Variants in ECPAS observed in about 807,000 individuals in gnomAD.
ECPAS encodes the protein proteasome adapter and scaffold protein ECM29.
In ECPAS, 70 loss-of-function variants were observed where a neutral mutation model predicts 255.1. The ratio of observed to expected loss-of-function variants is 0.27; its 90% CI spans 0.23 to 0.33. The LOEUF is 0.33. Among genes scored for constraint, ECPAS ranks in the 10% least tolerant of loss-of-function variants. The pLI is 1.00. For synonymous variants in ECPAS, 784 were observed against 775.0 expected (o/e 1.01, Z -0.19); for missense variants, 1,817 against 2,206.4 (o/e 0.82, Z 3.54).
intron 48 of ECPAS, among the ~76,000 whole-genome samples, chr9:111,364,119 A>G (rs900662786): frequency 6.6e-6 from 1 of 152,204 alleles, no homozygotes; most frequent in African/African-American, 2.4e-5. Flanking sequence ...TTCTTTATCC[A>G]TAAAAGGATG....
intron 6 of ECPAS, among the ~76,000 whole-genome samples, chr9:111,438,753 AATGAT>A (rs1337415882): frequency 6.6e-6 from 1 of 152,228 alleles, no homozygotes; most frequent in Non-Finnish European, 1.5e-5. Flanking sequence ...AGAAATAAGA[AATGAT>A]ATAACAGGTG....
intron 45 of ECPAS, among the ~76,000 whole-genome samples, chr9:111,369,425 A>C (rs763738244): frequency 6.6e-6 from 1 of 152,206 alleles, no homozygotes; most frequent in Non-Finnish European, 1.5e-5. Flanking sequence ...TAGTCTTTTG[A>C]GCATAACATG....
rs990869676 is a variant in ECPAS at position 111,410,351 on chromosome 9, C to G, written c.2378-138G>C. On this transcript the variant is annotated intron_variant, in intron 22 of 49. Transcript: ENST00000684092. Reference sequence around the variant, plus strand: ...ACGATATCTTCTAGTTGACAATTTGCCAACATTTATTCAGTGGAAAGACAA... The same window carrying G: ...ACGATATCTTCTAGTTGACAATTTGGCAACATTTATTCAGTGGAAAGACAA... 2.7e-5 allele frequency: 17 copies of G among 634,330 alleles called. No homozygotes were observed. In the African/African-American group the frequency reaches 2.8e-4, roughly 10 times the overall value. 39.3% of individuals were successfully genotyped at this position (634,330 alleles called of 1,614,324 possible).
chr9:111,482,551 C>G (rs935282888), intron 1 of ECPAS, among the ~76,000 whole-genome samples: 12 of 152,118 alleles, frequency 7.9e-5, no homozygotes, highest in African/African-American at 2.2e-4. Flanking sequence ...CTTCATAAAG[C>G]TTGCAACACC....
rs567325855 is a variant in ECPAS, at chr9:111,420,266, T to A, written c.1456-146A>T. On this transcript the variant is annotated intron_variant, in intron 15 of 49. Transcript: ENST00000684092. Reference sequence around the variant, plus strand: ...AAGGTGACATTTTAATAAACGTGTATCTAAATTAAATAAATCATTTGTTCA... The same window carrying A: ...AAGGTGACATTTTAATAAACGTGTAACTAAATTAAATAAATCATTTGTTCA... 2.7e-4 allele frequency: 163 copies of A among 594,366 alleles called. 4 individuals carry two copies. In the South Asian group the frequency reaches 3.3e-3, roughly 12 times the overall value. 36.8% of individuals were successfully genotyped at this position (594,366 alleles called of 1,614,324 possible). A position where few individuals can be genotyped will look rare whatever the true frequency, so the allele number is the denominator to read the frequency against.
intron 45 of ECPAS, among the ~76,000 whole-genome samples, 196 bp downstream of exon 45, chr9:111,370,239 A>G (rs985842724): frequency 6.6e-6 from 1 of 152,252 alleles, no homozygotes; most frequent in African/African-American, 2.4e-5. Flanking sequence ...AAGAGACGGA[A>G]TACCTGAACA....
intron 27 of ECPAS, 28 bp from the exon 28 acceptor site, chr9:111,392,910 C>A (rs2098162341): frequency 6.5e-7 from 1 of 1,531,260 alleles, no homozygotes; most frequent in Non-Finnish European, 8.9e-7. Flanking sequence ...AAGATTGTAT[C>A]ACTTTAAAAA....
intron 24 of ECPAS, 63 bp downstream of exon 24, chr9:111,408,505 TAAA>T (rs79202070): frequency 5.8e-3 from 4,954 of 860,284 alleles, no homozygotes; most frequent in South Asian, 0.011. Flanking sequence ...AAACTGCACC[TAAA>T]AAAAAAAAAA....
At position 111,410,317 on chromosome 9, in the gene ECPAS, T is replaced by C. The variant is rs1245684733; in HGVS notation, c.2378-104A>G. The C allele has an allele frequency of 7.6e-6, 7 of 927,144 alleles. No homozygotes were observed. In the African/African-American group the frequency reaches 8.4e-5, roughly 11 times the overall value. 57.4% of individuals were successfully genotyped at this position (927,144 alleles called of 1,614,324 possible). A position where few individuals can be genotyped will look rare whatever the true frequency, so the allele number is the denominator to read the frequency against. On this transcript the variant is annotated intron_variant, in intron 22 of 49. Coordinates refer to ENST00000684092, the MANE Select transcript of ECPAS (RefSeq NM_001364929.1). ...TTTTTTTTAAGACGGCAAAATAAAA[T>C]CAAAGTGTACGATATCTTCTAGTTG...
chr9:111,411,901 G>C lies in ECPAS; in HGVS notation c.2214+113C>G. The C allele has an allele frequency of 4.1e-6, 4 of 965,092 alleles. No individual in the cohort carries two copies. In the East Asian group the frequency reaches 1.2e-4, roughly 28 times the overall value. The allele number at this position is 965,092 out of a possible 1,614,324, so 59.8% of individuals were successfully genotyped here. ...TCATTTACTCTTTATGGTCATAAAA[G>C]CAAGGAATTTGTAAGTTCATTTTAC... On this transcript the variant is annotated intron_variant, in intron 21 of 49. Transcript: ENST00000684092.
At chr9:111,457,750 A>G (rs1309843245) in intron 2 of ECPAS, among the ~76,000 whole-genome samples, 4 of 152,200 alleles carry the variant, frequency 2.6e-5, no homozygotes, top group Non-Finnish European at 5.9e-5. Flanking sequence ...AAAGGACCCA[A>G]TTGAGGTTAG....
rs34165056 is a variant in ECPAS at position 111,477,926 on chromosome 9, G to C, written c.-82-4926C>G. Among the ~76,000 whole-genome samples the C allele has an allele frequency of 9.9e-3, 1,395 of 141,504 alleles. 8 individuals carry two copies. The highest frequency in any genetic ancestry group is 0.025 in the Middle Eastern group (7 of 278). 92.8% of individuals were successfully genotyped at this position (141,504 alleles called of 152,430 possible). ...TTTTTTTTTTTTTTTTTTGAAACAA[G>C]GTCTCGCTTTGTCACCCAGGCTAGA... On this transcript the variant is annotated intron_variant, in intron 1 of 49. Transcript: ENST00000684092.
chr9:111,385,323 T>G lies in ECPAS; in HGVS notation c.3633+14A>C. On this transcript the variant is annotated intron_variant, in intron 33 of 49. Transcript: ENST00000684092. ...CTTTTTGTATATATAAATGCTGATT[T>G]ATTTCTATAATACCTTGATATCATC... The G allele has an allele frequency of 1.6e-6, 2 of 1,220,168 alleles. No individual in the cohort carries two copies. Among genetic ancestry groups the G allele is most frequent in the East Asian group, 5.0e-5 (2 of 39,638 alleles). 75.6% of individuals were successfully genotyped at this position (1,220,168 alleles called of 1,614,324 possible).
intron 3 of ECPAS, among the ~76,000 whole-genome samples, chr9:111,444,738 T>C (rs913255828): frequency 6.6e-6 from 1 of 152,108 alleles, no homozygotes; most frequent in Non-Finnish European, 1.5e-5. Context: ...CAAGACGGAG[T>C]CTTGCTCTGT....
rs569173503 is a variant in ECPAS at position 111,405,919 on chromosome 9, G to A, written c.2652+2652C>T. 5.3e-4 allele frequency among the ~76,000 whole-genome samples: 79 copies of A among 149,700 alleles called. 11 individuals are homozygous for A. Among genetic ancestry groups the A allele is most frequent in the African/African-American group, 1.8e-3 (72 of 39,460 alleles). On this transcript the variant is annotated intron_variant, in intron 24 of 49. Transcript: ENST00000684092. ...TGATAGTCAGAATGTGAAGAAAGGG[G>A]AACATTCATACACTGTTGGTGGGAA...
chr9:111,480,469 T>C (rs180733963), intron 1 of ECPAS, among the ~76,000 whole-genome samples: 1 of 152,074 alleles, frequency 6.6e-6, no homozygotes, highest in African/African-American at 2.4e-5. Flanking sequence ...GGCTAAATTT[T>C]GTATTTTTAG....
At chr9:111,452,158 G>GT (rs1350970005) in intron 2 of ECPAS, among the ~76,000 whole-genome samples, 3 of 152,138 alleles carry the variant, frequency 2.0e-5, no homozygotes, top group Non-Finnish European at 2.9e-5. Flanking sequence ...CGGCAAGCAG[G>GT]AAGATGGGAA....
At chr9:111,462,219 G>A (rs2098274017) in intron 2 of ECPAS, among the ~76,000 whole-genome samples, 2 of 152,202 alleles carry the variant, frequency 1.3e-5, no homozygotes, top group Non-Finnish European at 2.9e-5. Context: ...TAGATGGTAA[G>A]GGAGTCTGAA....
intron 11 of ECPAS, 62 bp from the exon 12 acceptor site, chr9:111,425,558 G>T: frequency 8.3e-7 from 1 of 1,207,982 alleles, no homozygotes; most frequent in Non-Finnish European, 1.2e-6. Context: ...TATCTTTACG[G>T]ATGATTACAT....
Sources: allele counts gnomAD v4.1 joint callset (sites outside exome capture counted in the v4.1 genomes callset), GRCh38; gene constraint gnomAD v4.1.1; transcripts MANE v1.5; gene names NCBI Gene and HGNC (gene_info 2026-07-23, HGNC 2026-07-21).